Variants in ANXA8 observed in about 807,000 individuals in gnomAD.
The protein encoded by ANXA8 is annexin A8.
ANXA8 carries 9 observed loss-of-function variants against 26.8 expected under a neutral mutation model. The ratio of observed to expected loss-of-function variants is 0.34; its 90% CI spans 0.20 to 0.59. ANXA8 has a LOEUF of 0.59. ANXA8 is among the 20% of genes least tolerant of loss of function. The pLI, the probability that ANXA8 is intolerant of heterozygous loss-of-function variation, is 0.84. For synonymous variants in ANXA8, 39 were observed against 94.8 expected, an observed-to-expected ratio of 0.41 and a Z score of 3.42; for missense variants, 83 against 238.5, an observed-to-expected ratio of 0.35 and a Z score of 4.29.
At chr10:47,744,632 G>A in the ANXA8 span, among the ~76,000 whole-genome samples, 3 of 151,846 alleles carry the variant, frequency 2.0e-5, no homozygotes, top group African/African-American at 4.8e-5. Context: ...AAACATCCTA[G>A]GCAAATATCA....
At chr10:47,751,239 A>G in the ANXA8 span, 1 of 144,482 alleles carries the variant, frequency 6.9e-6, no homozygotes, top group African/African-American at 2.5e-5. Context: ...CCAATTTTAT[A>G]TCTTGCAACC....
chr10:47,491,780 C>T, the ANXA8 span: 4 of 1,479,422 alleles, frequency 2.7e-6, no homozygotes, highest in Admixed American at 2.0e-5. Flanking sequence ...AAGCCCTCAC[C>T]CCAGCCCAGT....
the ANXA8 span, among the ~76,000 whole-genome samples, chr10:47,990,866 G>A: frequency 0.29 from 40,672 of 141,082 alleles, 1,797 homozygotes; most frequent in Non-Finnish European, 0.36. Flanking sequence ...TTAGCACAGC[G>A]ATGGCCTCAG....
At chr10:47,503,148 A>G in the ANXA8 span, 373 of 1,609,652 alleles carry the variant, frequency 2.3e-4, 3 homozygotes, top group African/African-American at 4.4e-3. Context: ...TCTCTTTTTT[A>G]TGAATATTCT....
the ANXA8 span, among the ~76,000 whole-genome samples, chr10:47,662,472 G>GTGTTT: frequency 6.6e-6 from 1 of 152,018 alleles, no homozygotes; most frequent in African/African-American, 2.4e-5. Context: ...GGAATTGAAA[G>GTGTTT]TGTTTAGTTT....
chr10:47,751,180 AC>A, the ANXA8 span: 1 of 151,776 alleles, frequency 6.6e-6, no homozygotes, highest in Non-Finnish European at 1.5e-5. Flanking sequence ...CACTATCACT[AC>A]TTATAGTCAG....
chr10:47,938,803 G>A, the ANXA8 span, among the ~76,000 whole-genome samples: 569 of 149,474 alleles, frequency 3.8e-3, no homozygotes, highest in Non-Finnish European at 5.9e-3. Flanking sequence ...TGCAAAGCAC[G>A]TGAGGATTCC....
At chr10:47,720,551 T>C in the ANXA8 span, among the ~76,000 whole-genome samples, 1 of 145,818 alleles carries the variant, frequency 6.9e-6, no homozygotes, top group Admixed American at 6.8e-5. Flanking sequence ...AAAAACACAT[T>C]GTTTTTTGAA....
At chr10:47,549,140 C>G in the ANXA8 span, among the ~76,000 whole-genome samples, 173 of 151,794 alleles carry the variant, frequency 1.1e-3, no homozygotes, top group Non-Finnish European at 1.9e-3. Flanking sequence ...ACATTTATTA[C>G]TAATATTATT....
the ANXA8 span, among the ~76,000 whole-genome samples, chr10:47,669,737 C>G: frequency 4.3e-4 from 65 of 151,872 alleles, no homozygotes; most frequent in South Asian, 0.013. Context: ...AAAAAAACCC[C>G]AAAAACCTTA....
chr10:47,561,126 C>T, the ANXA8 span, among the ~76,000 whole-genome samples: 4 of 151,912 alleles, frequency 2.6e-5, no homozygotes, highest in African/African-American at 4.8e-5. Context: ...TTATGAGGTA[C>T]AAAGTAATTT....
chr10:47,749,892 A>G, the ANXA8 span, among the ~76,000 whole-genome samples: 1 of 151,004 alleles, frequency 6.6e-6, no homozygotes, highest in African/African-American at 2.4e-5. Flanking sequence ...TGACATCATT[A>G]TAAGAACATT....
the ANXA8 span, among the ~76,000 whole-genome samples, chr10:47,942,136 T>A: frequency 6.8e-6 from 1 of 147,136 alleles, no homozygotes; most frequent in Non-Finnish European, 1.5e-5. Context: ...CCAGTGATCA[T>A]GGGATTGTAG....
chr10:47,973,238 A>C, the ANXA8 span: 1 of 149,376 alleles, frequency 6.7e-6, no homozygotes, highest in East Asian at 1.9e-4. Flanking sequence ...CCAAGCACAC[A>C]GCTGCAGAGG....
chr10:47,493,664 C>G, the ANXA8 span, among the ~76,000 whole-genome samples: 2 of 151,092 alleles, frequency 1.3e-5, no homozygotes, highest in African/African-American at 2.5e-5. Flanking sequence ...CTCATCCACA[C>G]AGCAGGACCC....
the ANXA8 span, among the ~76,000 whole-genome samples, chr10:47,640,816 G>A: frequency 4.5e-5 from 6 of 132,434 alleles, 1 homozygote; most frequent in Non-Finnish European, 9.3e-5. Context: ...CAGCTGCCCT[G>A]CTAACTTTGG....
At chr10:47,516,087 A>C in the ANXA8 span, among the ~76,000 whole-genome samples, 2 of 114,496 alleles carry the variant, frequency 1.7e-5, no homozygotes, top group African/African-American at 6.9e-5. Context: ...CAGAACTAGA[A>C]TAAAAAGACA....
the ANXA8 span, among the ~76,000 whole-genome samples, chr10:47,954,284 A>G: frequency 1.3e-5 from 2 of 151,092 alleles, no homozygotes; most frequent in Non-Finnish European, 2.9e-5. Context: ...ATGAAATAAA[A>G]AAGGCACAGA....
At chr10:47,969,917 C>T in the ANXA8 span, 4 of 151,408 alleles carry the variant, frequency 2.6e-5, no homozygotes, top group African/African-American at 9.6e-5. Flanking sequence ...GTGTTGGACT[C>T]TCATCCATTA....
Sources: gnomAD v4.1 joint callset for allele counts (sites outside exome capture counted in the v4.1 genomes callset) on GRCh38, gnomAD v4.1.1 for gene constraint, MANE v1.5 for transcripts, NCBI Gene and HGNC (gene_info 2026-07-23, HGNC 2026-07-21) for gene names.